Variants in LRRC49 observed in about 807,000 individuals in gnomAD.
LRRC49 encodes the protein leucine rich repeat containing 49.
In LRRC49, 50 loss-of-function variants were observed where a neutral mutation model predicts 83.3. The observed-to-expected ratio is 0.60, with a 90% CI of 0.48 to 0.76. The LOEUF is 0.76. Ranked by LOEUF, LRRC49 falls within the 30% of genes least tolerant of loss-of-function variation. The pLI, the probability that LRRC49 is intolerant of heterozygous loss-of-function variation, is 0.00. For synonymous variants in LRRC49, 286 were observed against 283.3 expected (o/e 1.01, Z -0.10); for missense variants, 704 against 809.1 (o/e 0.87, Z 1.58).
At position 71,002,939 on chromosome 15, in the gene LRRC49, CTTTTT is replaced by C. The variant is rs35998597; in HGVS notation, c.1170-5418_1170-5414del. ...GAAAAGGCATAGGATATTTTCTGGCCTTTTTTTTTTTTTTTTTTTTTTTTTTGAGA... is the reference window on the plus strand; with the variant it reads ...GAAAAGGCATAGGATATTTTCTGGCCTTTTTTTTTTTTTTTTTTTTTGAGA... On this transcript the variant is annotated intron_variant, in intron 11 of 15. Coordinates refer to ENST00000260382, the MANE Select transcript of LRRC49 (RefSeq NM_017691.5). Among the ~76,000 whole-genome samples, 6 of 43,034 alleles carry C rather than the reference CTTTTT, an allele frequency of 1.4e-4. No individual in the cohort carries two copies. In the South Asian group the frequency reaches 5.5e-3, roughly 40 times the overall value. 28.2% of individuals were successfully genotyped at this position (43,034 alleles called of 152,430 possible). A position where few individuals can be genotyped will look rare whatever the true frequency, so the allele number is the denominator to read the frequency against.
intron 11 of LRRC49, among the ~76,000 whole-genome samples, chr15:70,987,076 G>A (rs552241349): frequency 1.3e-5 from 2 of 152,298 alleles, no homozygotes; most frequent in South Asian, 4.1e-4. Flanking sequence ...TGTTCATCAA[G>A]GATATTGGTC....
At chr15:70,892,118 A>AC (rs2033602326), upstream of LRRC49, 1 of 1,613,838 alleles carries the variant, frequency 6.2e-7, no homozygotes, top group African/African-American at 1.3e-5. Context: ...AGAGCAGATG[A>AC]CCGAGCGGTC....
At chr15:70,910,198 G>A (rs1232309517) in intron 5 of LRRC49, among the ~76,000 whole-genome samples, 1 of 152,020 alleles carries the variant, frequency 6.6e-6, no homozygotes, top group Non-Finnish European at 1.5e-5. Context: ...ATACATGGTG[G>A]GCATATGAGA....
intron 7 of LRRC49, 109 bp downstream of exon 7, chr15:70,919,302 T>C (rs1212571483): frequency 9.9e-7 from 1 of 1,013,356 alleles, no homozygotes; most frequent in East Asian, 2.5e-5. Context: ...GTTATTTAGG[T>C]TTTTTCTGAA....
chr15:70,984,547 C>T (rs111958192), intron 11 of LRRC49: 7,638 of 195,342 alleles, frequency 0.039, 205 homozygotes, highest in Middle Eastern at 0.056. Context: ...ATGCCATCAA[C>T]CATGTTCTTC....
intron 13 of LRRC49, among the ~76,000 whole-genome samples, chr15:71,010,300 C>T (rs908359803): frequency 6.6e-6 from 1 of 151,814 alleles, no homozygotes; most frequent in Non-Finnish European, 1.5e-5. Context: ...AAAAATAACT[C>T]TTTTATAAGT....
intron 7 of LRRC49, among the ~76,000 whole-genome samples, chr15:70,931,212 C>T (rs2035394252): frequency 6.6e-6 from 1 of 152,034 alleles, no homozygotes; most frequent in Admixed American, 6.6e-5. Context: ...ATTAATTGGC[C>T]TAGTTTTAAT....
chr15:70,884,709 A>G (rs954133723), intron 2 of LRRC49, among the ~76,000 whole-genome samples: 1 of 152,222 alleles, frequency 6.6e-6, no homozygotes, highest in African/African-American at 2.4e-5. Context: ...GAATAAACAC[A>G]TATTTCTTTA....
intron 8 of LRRC49, among the ~76,000 whole-genome samples, chr15:70,941,614 A>C (rs952392039): frequency 6.6e-6 from 1 of 152,130 alleles, no homozygotes; most frequent in Non-Finnish European, 1.5e-5. Context: ...TTGAAGCAGC[A>C]AAAAGCAAAA....
chr15:70,947,796 G>A (rs1184137576), intron 8 of LRRC49, among the ~76,000 whole-genome samples: 1 of 152,140 alleles, frequency 6.6e-6, no homozygotes, highest in Non-Finnish European at 1.5e-5. Context: ...TTCTGATTGT[G>A]TTCATTTAGG....
intron 11 of LRRC49, among the ~76,000 whole-genome samples, chr15:70,987,386 T>G (rs965360027): frequency 9.2e-5 from 14 of 152,208 alleles, no homozygotes; most frequent in African/African-American, 1.4e-4. Flanking sequence ...GTCGAGGAAT[T>G]TATCCATTTC....
intron 1 of LRRC49, among the ~76,000 whole-genome samples, chr15:70,863,765 G>A (rs2032849045): frequency 6.6e-6 from 1 of 152,224 alleles, no homozygotes; most frequent in African/African-American, 2.4e-5. Flanking sequence ...ATGTATCTGA[G>A]CCCTGTGGAA....
chr15:70,855,138 C>T (rs2032621994), intron 1 of LRRC49, among the ~76,000 whole-genome samples: 2 of 152,110 alleles, frequency 1.3e-5, no homozygotes, highest in South Asian at 4.2e-4. Context: ...TCGAGACCAT[C>T]CTGGCCAACA....
intron 14 of LRRC49, among the ~76,000 whole-genome samples, chr15:71,016,205 G>A (rs1262301305): frequency 6.6e-6 from 1 of 151,668 alleles, no homozygotes; most frequent in African/African-American, 2.4e-5. Flanking sequence ...CTTGCTTTTT[G>A]TTCTATCTTG....
chr15:70,867,008 G>A (rs2032927481), intron 1 of LRRC49, among the ~76,000 whole-genome samples: 2 of 151,610 alleles, frequency 1.3e-5, no homozygotes, highest in Non-Finnish European at 1.5e-5. Context: ...TGTAGCATTG[G>A]GTACCTGATT....
chr15:70,998,946 T>C (rs959459481), intron 11 of LRRC49, among the ~76,000 whole-genome samples: 2 of 152,190 alleles, frequency 1.3e-5, no homozygotes, highest in African/African-American at 4.8e-5. Flanking sequence ...GATTCTTTCT[T>C]CTGCCTGCTA....
intron 8 of LRRC49, among the ~76,000 whole-genome samples, chr15:70,953,729 G>T (rs1043814118): frequency 1.3e-5 from 2 of 152,026 alleles, no homozygotes; most frequent in African/African-American, 4.8e-5. Context: ...GTTGCTTGTT[G>T]TTTCTCCTCT....
intron 7 of LRRC49, 191 bp from the exon 8 acceptor site, chr15:70,936,570 T>C (rs2035605843): frequency 1.9e-6 from 1 of 537,352 alleles, no homozygotes; most frequent in African/African-American, 1.9e-5. Context: ...CAGCTTGTTC[T>C]GCGGATGTAC....
chr15:70,870,439 T>C (rs1173843017), intron 1 of LRRC49, among the ~76,000 whole-genome samples: 1 of 152,238 alleles, frequency 6.6e-6, no homozygotes, highest in Non-Finnish European at 1.5e-5. Flanking sequence ...CAAAGAGTGA[T>C]ACACTTCAAG....
Sources: allele counts gnomAD v4.1 joint callset (sites outside exome capture counted in the v4.1 genomes callset), GRCh38; gene constraint gnomAD v4.1.1; transcripts MANE v1.5; gene names NCBI Gene and HGNC (gene_info 2026-07-23, HGNC 2026-07-21).